Variants in RIIAD1 observed in about 807,000 individuals in gnomAD.
The protein encoded by RIIAD1 is regulatory subunit of type II PKA R-subunit domain containing 1.
In RIIAD1, 15 loss-of-function variants were observed where a neutral mutation model predicts 13.3. The observed-to-expected ratio is 1.13, with a 90% CI of 0.76 to 1.74. The LOEUF is 1.74. Among genes scored for constraint, RIIAD1 ranks in the 40% most tolerant of loss-of-function variants. The pLI, the probability that RIIAD1 is intolerant of heterozygous loss-of-function variation, is 0.00. For missense variants in RIIAD1, 121 were observed against 112.2 expected (o/e 1.08, Z -0.35); for synonymous variants, 50 against 43.3 (o/e 1.16, Z -0.61).
chr1:151,713,983 CT>C (rs1558110846), intron 3 of RIIAD1, among the ~76,000 whole-genome samples: 1 of 152,202 alleles, frequency 6.6e-6, no homozygotes. Flanking sequence ...TCTACAATGT[CT>C]GTCCCTGCCC....
At chr1:151,716,804 T>TCCCCCCTCCACA, upstream of RIIAD1, 1 of 447,688 alleles carries the variant, frequency 2.2e-6, no homozygotes, top group Non-Finnish European at 4.6e-6. Flanking sequence ...AACAAAAACC[T>TCCCCCCTCCACA]CCCCCCTCCA....
intron 2 of RIIAD1, among the ~76,000 whole-genome samples, chr1:151,725,107 CTTTTTTTTT>C (rs71759600): frequency 3.5e-5 from 3 of 84,678 alleles, no homozygotes; most frequent in African/African-American, 5.1e-5. Context: ...CGCACCTCGC[CTTTTTTTTT>C]TTTTTTTTTT....
chr1:151,723,942 G>T (rs148202242), intron 2 of RIIAD1, among the ~76,000 whole-genome samples: 1 of 152,210 alleles, frequency 6.6e-6, no homozygotes, highest in Non-Finnish European at 1.5e-5. Context: ...AGATGATATC[G>T]TTCCTATCCT....
At chr1:151,713,940 C>G (rs1174404619) in intron 3 of RIIAD1, among the ~76,000 whole-genome samples, 4 of 152,194 alleles carry the variant, frequency 2.6e-5, no homozygotes, top group Non-Finnish European at 5.9e-5. Flanking sequence ...CCCCTGCCTC[C>G]CTGGGCATAC....
At chr1:151,712,771 CAG>C (rs1234115266) in intron 2 of RIIAD1, among the ~76,000 whole-genome samples, 1 of 152,100 alleles carries the variant, frequency 6.6e-6, no homozygotes, top group Non-Finnish European at 1.5e-5. Flanking sequence ...TTTGGGGTGA[CAG>C]AGATGGGGAG....
chr1:151,726,852 A>G (rs987015360), intron 2 of RIIAD1, among the ~76,000 whole-genome samples: 3 of 152,092 alleles, frequency 2.0e-5, no homozygotes, highest in African/African-American at 7.2e-5. Flanking sequence ...AGCTCTGTTT[A>G]TTGTATCTCC....
chr1:151,728,480 G>A (rs1673870833), intron 3 of RIIAD1: 2 of 258,286 alleles, frequency 7.7e-6, no homozygotes, highest in African/African-American at 1.5e-4. Flanking sequence ...CTCGGGGTAG[G>A]TGGGGGGTGG....
At chr1:151,722,019 C>T (rs899458599) in intron 1 of RIIAD1, 67 bp from the exon 2 acceptor site, 1 of 1,164,474 alleles carries the variant, frequency 8.6e-7, no homozygotes, top group Non-Finnish European at 1.3e-6. Context: ...CGCAGCCCTT[C>T]ACATCTCCAG....
At chr1:151,727,201 C>T (rs1301586246) in intron 2 of RIIAD1, among the ~76,000 whole-genome samples, 1 of 152,128 alleles carries the variant, frequency 6.6e-6, no homozygotes, top group Middle Eastern at 3.2e-3. Flanking sequence ...TCTCTTGAGC[C>T]AGGGAGGTTG....
exon 4 of RIIAD1, chr1:151,714,438 A>C: frequency 1.4e-6 from 1 of 707,252 alleles, no homozygotes. Flanking sequence ...AAATGCATGC[A>C]TCTACAGCAA....
intron 2 of RIIAD1, among the ~76,000 whole-genome samples, chr1:151,724,949 G>A (rs1327588487): frequency 4.0e-5 from 6 of 151,642 alleles, no homozygotes; most frequent in Admixed American, 1.3e-4. Context: ...ATAGGCACCC[G>A]CCACCACGCC....
intron 4 of RIIAD1, chr1:151,715,473 C>T: frequency 1.8e-6 from 1 of 552,278 alleles, no homozygotes; most frequent in Admixed American, 2.4e-5. Context: ...TCCTGACCCC[C>T]ATCCCAATAT....
intron 2 of RIIAD1, among the ~76,000 whole-genome samples, chr1:151,713,283 C>T (rs1048419742): frequency 1.8e-4 from 28 of 152,208 alleles, no homozygotes; most frequent in Non-Finnish European, 2.9e-5. Flanking sequence ...GGTGCCTCTC[C>T]ACACCCAGGA....
intron 4 of RIIAD1, chr1:151,715,824 CCCCAGCCT>C: frequency 6.3e-7 from 1 of 1,596,044 alleles, no homozygotes; most frequent in Non-Finnish European, 8.5e-7. Context: ...GCTTAACTTC[CCCCAGCCT>C]CCCAGCCCAC....
chr1:151,727,466 A>G, intron 2 of RIIAD1, 109 bp from the exon 3 acceptor site: 1 of 754,786 alleles, frequency 1.3e-6, no homozygotes, highest in East Asian at 2.7e-5. Flanking sequence ...TTGACTCCCA[A>G]GATGGTTGTG....
chr1:151,714,852 A>C (rs1382347683), intron 4 of RIIAD1, among the ~76,000 whole-genome samples: 1 of 152,078 alleles, frequency 6.6e-6, no homozygotes, highest in Non-Finnish European at 1.5e-5. Context: ...GAAGTGGGGC[A>C]GACACCTGGA....
chr1:151,719,709 A>G, upstream of RIIAD1: 1 of 698,090 alleles, frequency 1.4e-6, no homozygotes, highest in Non-Finnish European at 2.6e-6. Context: ...CCAACACAAT[A>G]CATAATAGTG....
chr1:151,713,856 C>A (rs574851968), intron 3 of RIIAD1, among the ~76,000 whole-genome samples: 1 of 152,318 alleles, frequency 6.6e-6, no homozygotes, highest in East Asian at 1.9e-4. Context: ...GGGCTTGGGA[C>A]AATCAGCAAG....
chr1:151,723,942 G>A (rs148202242), intron 2 of RIIAD1, among the ~76,000 whole-genome samples: 14 of 152,328 alleles, frequency 9.2e-5, no homozygotes, highest in African/African-American at 3.1e-4. Flanking sequence ...AGATGATATC[G>A]TTCCTATCCT....
Sources: gnomAD v4.1 joint callset for allele counts (sites outside exome capture counted in the v4.1 genomes callset) on GRCh38, gnomAD v4.1.1 for gene constraint, MANE v1.5 for transcripts, NCBI Gene and HGNC (gene_info 2026-07-23, HGNC 2026-07-21) for gene names.